The following COL27A1 variants were observed in gnomAD, a reference collection of about 807,000 sequenced individuals.
COL27A1 encodes collagen alpha-1(XXVII) chain.
Under a neutral mutation model 251.3 loss-of-function variants are expected in COL27A1, and 106 were observed. The observed-to-expected ratio is 0.42, with a 90% CI of 0.36 to 0.50. COL27A1 has a LOEUF of 0.50. Among genes scored for constraint, COL27A1 ranks in the 20% least tolerant of loss-of-function variants. The pLI is 0.00. For synonymous variants in COL27A1, 1,000 were observed against 986.3 expected, an observed-to-expected ratio of 1.01 and a Z score of -0.26; for missense variants, 2,325 against 2,522.8, an observed-to-expected ratio of 0.92 and a Z score of 1.68.
intron 19 of COL27A1, 45 bp from the exon 20 acceptor site, chr9:114,240,175 C>T (rs1832659106): frequency 6.4e-7 from 1 of 1,553,226 alleles, no homozygotes; most frequent in African/African-American, 1.3e-5. Flanking sequence ...CGTAGCACTC[C>T]CTTCACAGCC....
At chr9:114,172,514 C>T (rs1276255527) in intron 3 of COL27A1, among the ~76,000 whole-genome samples, 2 of 152,152 alleles carry the variant, frequency 1.3e-5, no homozygotes, top group African/African-American at 4.8e-5. Context: ...GCATATAAAG[C>T]TGTAGTAGAG....
intron 14 of COL27A1, among the ~76,000 whole-genome samples, chr9:114,228,696 T>A (rs763682465): frequency 2.0e-5 from 3 of 152,232 alleles, no homozygotes; most frequent in Non-Finnish European, 4.4e-5. Flanking sequence ...AATTACTGGG[T>A]TAAAGCACGT....
chr9:114,301,510 A>C (rs1588896174), intron 54 of COL27A1, 48 bp downstream of exon 54: 1 of 1,582,808 alleles, frequency 6.3e-7, no homozygotes, highest in Non-Finnish European at 8.6e-7. Flanking sequence ...TGGGGCGGGC[A>C]CCCTGCATTC....
At chr9:114,269,460 T>C (rs1357901320) in intron 35 of COL27A1, among the ~76,000 whole-genome samples, 166 bp downstream of exon 35, 2 of 151,804 alleles carry the variant, frequency 1.3e-5, no homozygotes, top group African/African-American at 4.8e-5. Flanking sequence ...GGCCAGCATT[T>C]CCACAGTGTA....
intron 4 of COL27A1, among the ~76,000 whole-genome samples, chr9:114,182,783 C>T (rs559601657): frequency 6.6e-6 from 1 of 152,356 alleles, no homozygotes; most frequent in African/African-American, 2.4e-5. Flanking sequence ...ACAACACCAC[C>T]TACCTTCCAG....
Position 114,240,284 on chromosome 9 carries a change from G to A in COL27A1, c.2781+11G>A. The A allele has an allele frequency of 6.3e-7, 1 of 1,592,004 alleles. No homozygotes were observed. The highest frequency in any genetic ancestry group is 8.6e-7 in the Non-Finnish European group (1 of 1,168,656). The stretch of plus-strand genomic sequence containing the variant: ...CCAGAAGGCATGAAGGTGAGTACCT[G>A]CCCAGGGCAGCTCCAGTTGGAGGAG... On this transcript the variant is annotated intron_variant, in intron 20 of 60. Coordinates refer to ENST00000356083, the MANE Select transcript of COL27A1 (RefSeq NM_032888.4).
intron 38 of COL27A1, 40 bp from the exon 39 acceptor site, chr9:114,282,417 T>C: frequency 2.5e-6 from 4 of 1,603,798 alleles, no homozygotes; most frequent in South Asian, 1.1e-5. Flanking sequence ...CCCTCCGTCC[T>C]GTTGGGCCTG....
At chr9:114,180,091 C>T (rs577218334) in intron 4 of COL27A1, among the ~76,000 whole-genome samples, 2 of 152,212 alleles carry the variant, frequency 1.3e-5, no homozygotes, top group South Asian at 2.1e-4. Context: ...CCACCTGCCT[C>T]GGCCTCCCAA....
chr9:114,194,307 T>G, intron 5 of COL27A1, 97 bp from the exon 6 acceptor site: 2 of 1,206,826 alleles, frequency 1.7e-6, no homozygotes, highest in South Asian at 1.2e-5. Flanking sequence ...TGGGAAGGCA[T>G]TTAAGCAAGG....
intron 7 of COL27A1, among the ~76,000 whole-genome samples, chr9:114,200,587 G>A (rs1829493517): frequency 6.6e-6 from 1 of 152,208 alleles, no homozygotes; most frequent in Admixed American, 6.5e-5. Context: ...GCAGAGTTGG[G>A]TGTCAGACAC....
At chr9:114,240,557 G>T in intron 21 of COL27A1, 70 bp downstream of exon 21, 1 of 1,449,710 alleles carries the variant, frequency 6.9e-7, no homozygotes, top group African/African-American at 1.4e-5. Flanking sequence ...CCTGTCCTGG[G>T]TACTGAAGGC....
chr9:114,292,659 G>C (rs764901742), intron 49 of COL27A1, among the ~76,000 whole-genome samples: 3 of 152,208 alleles, frequency 2.0e-5, no homozygotes, highest in Non-Finnish European at 2.9e-5. Context: ...GAGATTGTCA[G>C]AGTGGATGAA....
intron 12 of COL27A1, among the ~76,000 whole-genome samples, chr9:114,219,162 G>A (rs1254216329): frequency 6.6e-6 from 1 of 152,198 alleles, no homozygotes; most frequent in Non-Finnish European, 1.5e-5. Context: ...GGCCTCCAGA[G>A]TGGGGTCAGG....
chr9:114,252,798 C>G (rs1833631753), intron 26 of COL27A1, 81 bp from the exon 27 acceptor site: 1 of 1,494,588 alleles, frequency 6.7e-7, no homozygotes, highest in South Asian at 1.1e-5. Context: ...TGGCTTTGCA[C>G]TGGGGCTGAG....
At chr9:114,218,539 A>G (rs892612630) in intron 12 of COL27A1, 4 of 152,222 alleles carry the variant, frequency 2.6e-5, no homozygotes, top group African/African-American at 9.6e-5. Flanking sequence ...TCCCTCAAAG[A>G]TAGATATCAA....
intron 4 of COL27A1, among the ~76,000 whole-genome samples, chr9:114,179,047 T>G (rs73656007): frequency 0.018 from 2,762 of 152,220 alleles, 86 homozygotes; most frequent in African/African-American, 0.063. Context: ...GGAGATCCCC[T>G]TAGAGGGAAA....
chr9:114,182,936 G>A (rs895281593), intron 4 of COL27A1, 86 bp from the exon 5 acceptor site: 6 of 1,142,680 alleles, frequency 5.3e-6, no homozygotes, highest in African/African-American at 3.1e-5. Flanking sequence ...AGTGGGTGGA[G>A]GGAAGGTGCC....
intron 16 of COL27A1, among the ~76,000 whole-genome samples, chr9:114,233,333 C>T (rs74968958): frequency 6.6e-6 from 1 of 152,208 alleles, no homozygotes; most frequent in African/African-American, 2.4e-5. Flanking sequence ...AAGCCTATCC[C>T]TGGGTAGCCA....
intron 12 of COL27A1, among the ~76,000 whole-genome samples, chr9:114,214,110 C>A (rs1463074998): frequency 3.3e-5 from 5 of 152,182 alleles, no homozygotes; most frequent in Non-Finnish European, 7.4e-5. Flanking sequence ...AGCTTGGTCT[C>A]TGTCTCCGCT....
Sources: allele counts gnomAD v4.1 joint callset (sites outside exome capture counted in the v4.1 genomes callset), GRCh38; gene constraint gnomAD v4.1.1; transcripts MANE v1.5; gene names NCBI Gene and HGNC (gene_info 2026-07-23, HGNC 2026-07-21).